The following CSMD1 variants were observed in gnomAD, a reference collection of about 807,000 sequenced individuals.
CSMD1 encodes CUB and sushi domain-containing protein 1.
CSMD1 carries 213 observed loss-of-function variants against 417.5 expected under a neutral mutation model. The observed-to-expected ratio is 0.51, with a 90% CI of 0.46 to 0.57. CSMD1 has a LOEUF of 0.57. Among genes scored for constraint, CSMD1 ranks in the 20% least tolerant of loss-of-function variants. The probability of loss-of-function intolerance (pLI) is 0.00; values close to 1 mark genes in which losing one functional copy is unlikely to be tolerated. For missense variants in CSMD1, 6,923 were observed against 4,529.7 expected (o/e 1.53, Z -15.17); for synonymous variants, 2,862 against 1,736.8 (o/e 1.65, Z -16.11).
chr8:4,784,100 G>A (rs959177315), intron 1 of CSMD1, among the ~76,000 whole-genome samples: 5 of 152,304 alleles, frequency 3.3e-5, no homozygotes, highest in African/African-American at 1.2e-4. Context: ...TCTATGTCTT[G>A]ACATTTATTA....
chr8:3,092,991 G>A (rs1017307028), intron 47 of CSMD1, among the ~76,000 whole-genome samples: 1 of 152,106 alleles, frequency 6.6e-6, no homozygotes, highest in Admixed American at 6.5e-5. Context: ...AAGATACTGA[G>A]AAACCATACT....
At chr8:3,898,066 G>C (rs766139103) in intron 5 of CSMD1, among the ~76,000 whole-genome samples, 1 of 152,172 alleles carries the variant, frequency 6.6e-6, no homozygotes, top group Admixed American at 6.5e-5. Flanking sequence ...TTACAAACAA[G>C]GTATGGAGGG....
intron 22 of CSMD1, among the ~76,000 whole-genome samples, chr8:3,345,609 T>G (rs943986489): frequency 1.3e-5 from 2 of 152,148 alleles, no homozygotes; most frequent in Non-Finnish European, 2.9e-5. Context: ...CACCTATAAG[T>G]AGCTAGATTC....
intron 50 of CSMD1, among the ~76,000 whole-genome samples, chr8:3,033,514 C>G (rs1443570374): frequency 1.3e-5 from 2 of 152,010 alleles, no homozygotes; most frequent in East Asian, 3.9e-4. Flanking sequence ...AAACCAAACA[C>G]CGCGTGTTCT....
chr8:3,908,230 A>G (rs1808237327), intron 5 of CSMD1, among the ~76,000 whole-genome samples: 1 of 142,856 alleles, frequency 7.0e-6, no homozygotes, highest in African/African-American at 2.5e-5. Flanking sequence ...TTTAATTTGC[A>G]TAACAATTTT....
intron 6 of CSMD1, among the ~76,000 whole-genome samples, chr8:3,717,697 C>G (rs763794461): frequency 1.3e-5 from 2 of 152,006 alleles, no homozygotes; most frequent in African/African-American, 4.8e-5. Flanking sequence ...GGTGAAGACA[C>G]TTAATATTGG....
At chr8:3,453,875 T>C (rs1476325082) in intron 12 of CSMD1, among the ~76,000 whole-genome samples, 1 of 152,204 alleles carries the variant, frequency 6.6e-6, no homozygotes, top group African/African-American at 2.4e-5. Context: ...CTTGTTAACT[T>C]TCTGTCTTGT....
intron 40 of CSMD1, among the ~76,000 whole-genome samples, chr8:3,149,816 C>T (rs900808589): frequency 6.6e-6 from 1 of 152,078 alleles, no homozygotes; most frequent in South Asian, 2.1e-4. Context: ...AACTGGAGCC[C>T]CTGTGCCTTA....
At position 4,471,957 on chromosome 8, in the gene CSMD1, T is replaced by C. The variant is rs1048045202; in HGVS notation, c.303-51892A>G. On this transcript the variant is annotated intron_variant, in intron 2 of 69. Transcript: ENST00000635120. ...TTTATAGAGGGTGCAAAACAGTGAA[T>C]AGGAAGCCTTCTAAGCGATACGTAT... Among the ~76,000 whole-genome samples the C allele has an allele frequency of 3.3e-5, 5 of 152,252 alleles. No individual in the cohort carries two copies. In the South Asian group the frequency reaches 1.0e-3, roughly 32 times the overall value.
chr8:4,874,138 C>T (rs2116926725), intron 1 of CSMD1, among the ~76,000 whole-genome samples: 1 of 152,024 alleles, frequency 6.6e-6, no homozygotes, highest in East Asian at 1.9e-4. Context: ...TGATAGATAA[C>T]TTTATCTTTT....
At chr8:3,733,591 C>T (rs1326658991) in intron 6 of CSMD1, among the ~76,000 whole-genome samples, 1 of 151,896 alleles carries the variant, frequency 6.6e-6, no homozygotes, top group Non-Finnish European at 1.5e-5. Context: ...GTGATGAAAC[C>T]CTGCACCGCC....
intron 3 of CSMD1, among the ~76,000 whole-genome samples, chr8:4,246,749 A>G (rs1802738989): frequency 6.6e-6 from 1 of 152,210 alleles, no homozygotes; most frequent in African/African-American, 2.4e-5. Context: ...ATTTAAATAA[A>G]GAAAACAGGA....
At chr8:4,640,697 A>T (rs1355312586) in intron 1 of CSMD1, among the ~76,000 whole-genome samples, 1 of 152,152 alleles carries the variant, frequency 6.6e-6, no homozygotes, top group Non-Finnish European at 1.5e-5. Flanking sequence ...AATGCTGCAA[A>T]CATAACCATA....
intron 3 of CSMD1, among the ~76,000 whole-genome samples, chr8:4,082,585 G>GA (rs1373945627): frequency 6.6e-6 from 1 of 150,972 alleles, no homozygotes; most frequent in Non-Finnish European, 1.5e-5. Context: ...GAGCCTAGAA[G>GA]AAAAAAACCT....
At chr8:4,902,062 T>A (rs1443437547) in intron 1 of CSMD1, among the ~76,000 whole-genome samples, 1 of 152,156 alleles carries the variant, frequency 6.6e-6, no homozygotes, top group Non-Finnish European at 1.5e-5. Flanking sequence ...GGACTTACAT[T>A]AAAGAATATA....
Position 4,905,361 on chromosome 8 carries a change from TA to T in CSMD1, c.85+88970del, listed in dbSNP as rs570760560. Among the ~76,000 whole-genome samples, 83 of 141,084 alleles carry T rather than the reference TA, an allele frequency of 5.9e-4. No individual in the cohort carries two copies. In the South Asian group the frequency reaches 0.017, roughly 29 times the overall value. 92.6% of individuals were successfully genotyped at this position (141,084 alleles called of 152,430 possible). On this transcript the variant is annotated intron_variant, in intron 1 of 69. Transcript: ENST00000635120. ...CTACCATTTCTTCTCATTAGACTCT[TA>T]GATAGATTTATAAAATATATATATT... is the stretch of plus-strand genomic sequence containing the variant.
chr8:4,379,456 C>T (rs1007439820), intron 3 of CSMD1, among the ~76,000 whole-genome samples: 4 of 152,142 alleles, frequency 2.6e-5, no homozygotes, highest in Admixed American at 6.5e-5. Context: ...AATGCTGTGT[C>T]AACATTAATG....
intron 27 of CSMD1, among the ~76,000 whole-genome samples, chr8:3,228,780 A>AG (rs539277987): frequency 4.6e-5 from 7 of 152,010 alleles, no homozygotes; most frequent in African/African-American, 1.5e-4. Flanking sequence ...GCAAAATGGA[A>AG]GGAAAAAAAA....
At chr8:4,691,734 C>T (rs193014840) in intron 1 of CSMD1, among the ~76,000 whole-genome samples, 1 of 152,306 alleles carries the variant, frequency 6.6e-6, no homozygotes, top group African/African-American at 2.4e-5. Flanking sequence ...AGGTACACTA[C>T]ATTGGGAATC....
Sources: allele counts gnomAD v4.1 joint callset (sites outside exome capture counted in the v4.1 genomes callset), GRCh38; gene constraint gnomAD v4.1.1; transcripts MANE v1.5; gene names NCBI Gene and HGNC (gene_info 2026-07-23, HGNC 2026-07-21).